The following SORCS3 variants were observed in gnomAD, a reference collection of about 807,000 sequenced individuals.
SORCS3 encodes VPS10 domain-containing receptor SorCS3.
SORCS3 carries 57 observed loss-of-function variants against 146.3 expected under a neutral mutation model. The ratio of observed to expected loss-of-function variants is 0.39; its 90% CI spans 0.31 to 0.49. The LOEUF (loss-of-function observed/expected upper bound fraction) is 0.49. Among genes scored for constraint, SORCS3 ranks in the 20% least tolerant of loss-of-function variants. The pLI, the probability that SORCS3 is intolerant of heterozygous loss-of-function variation, is 0.92. For missense variants in SORCS3, 1,341 were observed against 1,575.5 expected (o/e 0.85, Z 2.52); for synonymous variants, 653 against 618.5 (o/e 1.06, Z -0.83).
chr10:104,967,082 G>A (rs1355718361), intron 3 of SORCS3, among the ~76,000 whole-genome samples: 1 of 151,562 alleles, frequency 6.6e-6, no homozygotes, highest in Non-Finnish European at 1.5e-5. Flanking sequence ...GAACTTGATT[G>A]TATGCAGTTC....
At chr10:104,957,780 G>A (rs1049793273) in intron 3 of SORCS3, among the ~76,000 whole-genome samples, 2 of 151,972 alleles carry the variant, frequency 1.3e-5, no homozygotes, top group Non-Finnish European at 2.9e-5. Flanking sequence ...CCTGTCTGGG[G>A]ACCACCTGGC....
intron 1 of SORCS3, among the ~76,000 whole-genome samples, chr10:104,772,321 C>G (rs1302360201): frequency 1.3e-5 from 2 of 152,146 alleles, no homozygotes; most frequent in Non-Finnish European, 2.9e-5. Context: ...TCTCACACTC[C>G]CAGCTGCTTG....
At chr10:105,019,344 T>G (rs1405611612) in intron 4 of SORCS3, among the ~76,000 whole-genome samples, 1 of 152,220 alleles carries the variant, frequency 6.6e-6, no homozygotes, top group Non-Finnish European at 1.5e-5. Context: ...GCCAGTTGTC[T>G]CCATTGCCCA....
At chr10:104,934,865 C>A (rs577310050) in intron 3 of SORCS3, among the ~76,000 whole-genome samples, 6 of 152,248 alleles carry the variant, frequency 3.9e-5, no homozygotes, top group African/African-American at 1.4e-4. Context: ...TGGGAAGGGG[C>A]ATTTTTTGCA....
intron 3 of SORCS3, among the ~76,000 whole-genome samples, chr10:104,939,757 G>A (rs535896575): frequency 1.8e-4 from 27 of 152,280 alleles, no homozygotes; most frequent in Non-Finnish European, 3.1e-4. Context: ...AGGGATTTGG[G>A]CATGGATTTG....
At chr10:104,897,298 A>G (rs1323149539) in intron 2 of SORCS3, among the ~76,000 whole-genome samples, 1 of 152,216 alleles carries the variant, frequency 6.6e-6, no homozygotes, top group Non-Finnish European at 1.5e-5. Context: ...GAAGTCATTG[A>G]CTATTTAATA....
At chr10:105,148,503 A>T (rs2488541) in intron 9 of SORCS3, among the ~76,000 whole-genome samples, 79,192 of 151,936 alleles carry the variant, frequency 0.52, 20,948 homozygotes, top group Middle Eastern at 0.56. Flanking sequence ...GTGACCTTTG[A>T]CAGTCCTGGA....
intron 4 of SORCS3, among the ~76,000 whole-genome samples, chr10:104,979,252 T>C (rs2054919344): frequency 6.6e-6 from 1 of 152,204 alleles, no homozygotes; most frequent in Non-Finnish European, 1.5e-5. Flanking sequence ...ATGAATGAAT[T>C]AGTGGATGAA....
chr10:105,163,625 G>T (rs184757358), intron 11 of SORCS3, among the ~76,000 whole-genome samples: 176 of 152,264 alleles, frequency 1.2e-3, no homozygotes, highest in African/African-American at 4.0e-3. Context: ...GTGATGGAGT[G>T]CCAGGGGAAG....
intron 1 of SORCS3, among the ~76,000 whole-genome samples, chr10:104,696,390 A>AATATACAAT (rs1227523002): frequency 0.018 from 235 of 12,832 alleles, 90 homozygotes; most frequent in African/African-American, 0.02. Flanking sequence ...TATATTATAT[A>AATATACAAT]ATATATAATA....
chr10:105,100,016 T>A (rs1479285008), intron 6 of SORCS3, among the ~76,000 whole-genome samples: 3 of 152,148 alleles, frequency 2.0e-5, no homozygotes, highest in Non-Finnish European at 4.4e-5. Flanking sequence ...AGGCAGCCCT[T>A]CTCACCATAT....
intron 2 of SORCS3, among the ~76,000 whole-genome samples, chr10:104,855,138 C>T (rs1017058963): frequency 6.6e-6 from 1 of 152,172 alleles, no homozygotes; most frequent in Non-Finnish European, 1.5e-5. Flanking sequence ...ATCAGTTGTA[C>T]ATATTTATAT....
chr10:105,074,573 A>T (rs1211744124), intron 5 of SORCS3, among the ~76,000 whole-genome samples: 1 of 152,218 alleles, frequency 6.6e-6, no homozygotes, highest in African/African-American at 2.4e-5. Flanking sequence ...AAGATAGTGC[A>T]CAAATCTCTA....
At chr10:104,809,266 G>T (rs1214048701) in intron 1 of SORCS3, among the ~76,000 whole-genome samples, 2 of 152,200 alleles carry the variant, frequency 1.3e-5, no homozygotes, top group African/African-American at 4.8e-5. Flanking sequence ...CAGCTGATCA[G>T]TTGTTCTGGT....
Position 104,659,032 on chromosome 10 carries a change from G to A in SORCS3, c.627+17078G>A, listed in dbSNP as rs74672839. Among the ~76,000 whole-genome samples the A allele has an allele frequency of 7.0e-3, 1,069 of 152,174 alleles. 14 individuals are homozygous for A. The highest frequency in any genetic ancestry group is 0.024 in the African/African-American group (997 of 41,512). On this transcript the variant is annotated intron_variant, in intron 1 of 26. Transcript: ENST00000369701. ...TCAAAATGAAATCATGTATTTGAAA[G>A]GGCATTATAAACTATAAATGTACAG...
At chr10:104,759,683 T>C (rs184601419) in intron 1 of SORCS3, among the ~76,000 whole-genome samples, 1 of 152,288 alleles carries the variant, frequency 6.6e-6, no homozygotes, top group African/African-American at 2.4e-5. Context: ...GGATATCTTT[T>C]TCTACACCCA....
chr10:104,773,185 C>T (rs2017272122), intron 1 of SORCS3, among the ~76,000 whole-genome samples: 1 of 152,170 alleles, frequency 6.6e-6, no homozygotes, highest in African/African-American at 2.4e-5. Context: ...GACAGTCATG[C>T]AGCAGGGACA....
intron 14 of SORCS3, among the ~76,000 whole-genome samples, chr10:105,181,376 G>T (rs1248735222): frequency 1.3e-5 from 2 of 152,138 alleles, no homozygotes; most frequent in Non-Finnish European, 2.9e-5. Flanking sequence ...GCATATGTGT[G>T]TAGAGGTGTC....
At chr10:105,057,647 C>A (rs533256810) in intron 5 of SORCS3, among the ~76,000 whole-genome samples, 3 of 152,042 alleles carry the variant, frequency 2.0e-5, no homozygotes, top group Admixed American at 6.6e-5. Context: ...AGAAATAGAC[C>A]CCTTCATTTA....
Sources: gnomAD v4.1 joint callset for allele counts (sites outside exome capture counted in the v4.1 genomes callset) on GRCh38, gnomAD v4.1.1 for gene constraint, MANE v1.5 for transcripts, NCBI Gene and HGNC (gene_info 2026-07-23, HGNC 2026-07-21) for gene names.